Variants in CNBD1 observed in about 807,000 individuals in gnomAD.
The protein encoded by CNBD1 is cyclic nucleotide binding domain containing 1, also known as cyclic nucleotide-binding domain-containing protein 1.
In CNBD1, 71 loss-of-function variants were observed where a neutral mutation model predicts 54.4. The observed-to-expected ratio is 1.30, with a 90% CI of 1.08 to 1.59. CNBD1 has a LOEUF of 1.59. CNBD1 is among the 40% of genes most tolerant of loss of function. The pLI is 0.00. For missense variants in CNBD1, 659 were observed against 518.0 expected (o/e 1.27, Z -2.64); for synonymous variants, 182 against 170.7 (o/e 1.07, Z -0.51).
chr8:87,094,825 G>T (rs929653104), intron 4 of CNBD1, among the ~76,000 whole-genome samples: 1 of 152,188 alleles, frequency 6.6e-6, no homozygotes, highest in African/African-American at 2.4e-5. Context: ...ATCACCTGAG[G>T]TCAGGAGTTC....
intron 3 of CNBD1, among the ~76,000 whole-genome samples, chr8:86,909,254 T>A (rs1809065092): frequency 6.6e-6 from 1 of 152,202 alleles, no homozygotes; most frequent in African/African-American, 2.4e-5. Context: ...AGGTACTAAT[T>A]TAAACAAAAT....
chr8:87,208,490 T>C (rs1005509728), intron 5 of CNBD1, among the ~76,000 whole-genome samples: 7 of 151,936 alleles, frequency 4.6e-5, no homozygotes, highest in African/African-American at 1.7e-4. Context: ...TCTATATACA[T>C]GTGTACGTAG....
chr8:87,291,633 T>A (rs1808787371), intron 8 of CNBD1, among the ~76,000 whole-genome samples: 1 of 152,070 alleles, frequency 6.6e-6, no homozygotes. Flanking sequence ...TCTTATTTTG[T>A]TAATCGCCTT....
chr8:87,120,527 T>G (rs1811868969), intron 4 of CNBD1, among the ~76,000 whole-genome samples: 1 of 151,968 alleles, frequency 6.6e-6, no homozygotes, highest in Admixed American at 6.5e-5. Flanking sequence ...TTTATTTTCT[T>G]GAGTATTGAT....
At chr8:87,168,448 G>A (rs556553512) in intron 4 of CNBD1, among the ~76,000 whole-genome samples, 1 of 151,974 alleles carries the variant, frequency 6.6e-6, no homozygotes, top group Non-Finnish European at 1.5e-5. Flanking sequence ...TACTCTTTCA[G>A]TTATTTTTAA....
At chr8:87,378,604 T>C (rs1264067831) in intron 10 of CNBD1, among the ~76,000 whole-genome samples, 4 of 149,212 alleles carry the variant, frequency 2.7e-5, no homozygotes, top group Non-Finnish European at 4.5e-5. Context: ...TCCAGCTTTG[T>C]TCTTTTGGCT....
chr8:87,342,501 A>G (rs1810085450), intron 8 of CNBD1, among the ~76,000 whole-genome samples: 1 of 152,132 alleles, frequency 6.6e-6, no homozygotes, highest in Non-Finnish European at 1.5e-5. Context: ...AAATAATGTA[A>G]ACATTATGTA....
At chr8:87,091,798 T>A (rs866475199) in intron 4 of CNBD1, among the ~76,000 whole-genome samples, 27 of 69,812 alleles carry the variant, frequency 3.9e-4, no homozygotes, top group Admixed American at 1.4e-3. Flanking sequence ...TTTACATAAA[T>A]TTTTTTTTGC....
intron 6 of CNBD1, among the ~76,000 whole-genome samples, chr8:87,282,226 T>C (rs1242484574): frequency 6.6e-6 from 1 of 151,808 alleles, no homozygotes; most frequent in East Asian, 1.9e-4. Context: ...AATATTTTAA[T>C]TCTAACTTTC....
intron 4 of CNBD1, among the ~76,000 whole-genome samples, chr8:87,014,447 G>C (rs1809310537): frequency 6.6e-6 from 1 of 151,948 alleles, no homozygotes; most frequent in Non-Finnish European, 1.5e-5. Flanking sequence ...TGCATACTGA[G>C]TTATTGGTAT....
chr8:87,319,851 A>G (rs1050621763), intron 8 of CNBD1, among the ~76,000 whole-genome samples: 2 of 152,146 alleles, frequency 1.3e-5, no homozygotes, highest in Admixed American at 1.3e-4. Flanking sequence ...GATAAAGGTA[A>G]TGTGTATGAG....
intron 6 of CNBD1, among the ~76,000 whole-genome samples, chr8:87,274,248 T>C (rs1159296475): frequency 6.6e-6 from 1 of 150,550 alleles, no homozygotes; most frequent in African/African-American, 2.5e-5. Flanking sequence ...CATGTGTCTT[T>C]ATAGCAGCAT....
chr8:87,016,359 C>T (rs1039890496), intron 4 of CNBD1, among the ~76,000 whole-genome samples: 7 of 148,218 alleles, frequency 4.7e-5, no homozygotes, highest in African/African-American at 1.2e-4. Flanking sequence ...TTATAAAATA[C>T]AAGGATGTCA....
intron 6 of CNBD1, among the ~76,000 whole-genome samples, chr8:87,276,921 C>A (rs150110773): frequency 2.6e-5 from 4 of 151,202 alleles, no homozygotes; most frequent in Admixed American, 1.3e-4. Context: ...GGCAGTCAGG[C>A]CTTGAGGGGC....
intron 3 of CNBD1, among the ~76,000 whole-genome samples, chr8:86,907,880 C>A (rs567080856): frequency 5.6e-4 from 85 of 152,206 alleles, no homozygotes; most frequent in African/African-American, 2.0e-3. Flanking sequence ...GATGAGGAAA[C>A]TTTCATGTTA....
intron 4 of CNBD1, among the ~76,000 whole-genome samples, chr8:87,085,499 C>G (rs991368656): frequency 2.6e-5 from 4 of 152,032 alleles, no homozygotes; most frequent in African/African-American, 9.7e-5. Context: ...AGGGATTGAG[C>G]TAATATAGTC....
intron 2 of CNBD1, among the ~76,000 whole-genome samples, chr8:87,395,293 A>G (rs1030390036): frequency 6.6e-6 from 1 of 151,884 alleles, no homozygotes; most frequent in Non-Finnish European, 1.5e-5. Context: ...TGATATTGGC[A>G]TAGTATATAT....
At chr8:87,087,191 A>G (rs1811111124) in intron 4 of CNBD1, among the ~76,000 whole-genome samples, 1 of 142,128 alleles carries the variant, frequency 7.0e-6, no homozygotes, top group African/African-American at 2.6e-5. Context: ...AAAAAAAAAA[A>G]TGTTAGTGAG....
chr8:87,073,994 G>A (rs186724523), intron 4 of CNBD1, among the ~76,000 whole-genome samples: 4,409 of 151,920 alleles, frequency 0.029, 226 homozygotes, highest in African/African-American at 0.1. Context: ...CCAGCTACTC[G>A]GGAGGCTGAG....
Sources: allele counts gnomAD v4.1 joint callset (sites outside exome capture counted in the v4.1 genomes callset), GRCh38; gene constraint gnomAD v4.1.1; transcripts MANE v1.5; gene names NCBI Gene and HGNC (gene_info 2026-07-23, HGNC 2026-07-21).